SIPA1L3: variants seen among roughly 807,000 people sequenced by gnomAD.
The protein encoded by SIPA1L3 is signal induced proliferation associated 1 like 3.
Under a neutral mutation model 150.1 loss-of-function variants are expected in SIPA1L3, and 59 were observed. That is an observed-to-expected ratio of 0.39 (90% CI 0.32 to 0.49). The LOEUF is 0.49. Among genes scored for constraint, SIPA1L3 ranks in the 20% least tolerant of loss-of-function variants. The pLI is 0.86. For missense variants in SIPA1L3, 2,211 were observed against 2,489.5 expected, an observed-to-expected ratio of 0.89 and a Z score of 2.38; for synonymous variants, 1,070 against 1,077.6, an observed-to-expected ratio of 0.99 and a Z score of 0.14.
intron 2 of SIPA1L3, among the ~76,000 whole-genome samples, chr19:38,077,545 G>A (rs1258061901): frequency 2.6e-5 from 4 of 151,832 alleles, no homozygotes. Context: ...GCCTGGGAGT[G>A]GTGGGGATAG....
chr19:37,914,408 C>A (rs572620181), intron 1 of SIPA1L3, among the ~76,000 whole-genome samples: 2 of 147,300 alleles, frequency 1.4e-5, no homozygotes, highest in Non-Finnish European at 3.0e-5. Context: ...TCTGCTCTGT[C>A]GCCCAGGCTG....
In SIPA1L3 at chr19:38,182,588, C is replaced by T. The variant is rs768419836; in HGVS notation, c.4278C>T (p.Pro1426=). The T allele has an allele frequency of 6.2e-7, 1 of 1,614,210 alleles. No homozygotes were observed. Among genetic ancestry groups the T allele is most frequent in the Non-Finnish European group, 8.5e-7 (1 of 1,180,032 alleles). ...CTGCCAGTGCAGAGACTCCTCGGCC[C>T]TCCCAGCTGGCCCAGCCCAGCCCCT... ...YKTASAETPR[P]SQLAQPSPFQ... is the part of the protein sequence containing the mutation. The change falls in exon 16 of 22, where the codon CCC becomes CCT. Residue 1426 remains proline (P), a synonymous_variant. Coordinates refer to ENST00000222345, the MANE Select transcript of SIPA1L3 (RefSeq NM_015073.3).
chr19:38,023,526 G>A (rs1235850557), intron 1 of SIPA1L3, among the ~76,000 whole-genome samples: 1 of 152,206 alleles, frequency 6.6e-6, no homozygotes, highest in African/African-American at 2.4e-5. Flanking sequence ...GCAGCTGAAT[G>A]AACAGATATT....
At chr19:38,036,137 C>G (rs544371162) in intron 2 of SIPA1L3, among the ~76,000 whole-genome samples, 103 of 152,298 alleles carry the variant, frequency 6.8e-4, no homozygotes, top group African/African-American at 2.5e-3. Flanking sequence ...GTAGGCTGCC[C>G]TTGACCTCTG....
chr19:38,102,801 C>T (rs1228320991), intron 6 of SIPA1L3, among the ~76,000 whole-genome samples: 3 of 150,520 alleles, frequency 2.0e-5, no homozygotes, highest in Non-Finnish European at 4.4e-5. Context: ...CACTACACTC[C>T]AGCCCGGATG....
At chr19:38,155,867 G>T (rs1194461883) in intron 13 of SIPA1L3, among the ~76,000 whole-genome samples, 1 of 152,136 alleles carries the variant, frequency 6.6e-6, no homozygotes, top group Admixed American at 6.6e-5. Context: ...GATCTCCTGA[G>T]ATCAGGAGTT....
chr19:38,102,088 C>T, intron 6 of SIPA1L3, among the ~76,000 whole-genome samples: 1 of 149,938 alleles, frequency 6.7e-6, no homozygotes, highest in Non-Finnish European at 1.5e-5. Context: ...CCTCTATTGC[C>T]TAGGCTGGAG....
chr19:38,204,017 A>T, intron 20 of SIPA1L3, 110 bp from the exon 21 acceptor site: 1 of 803,710 alleles, frequency 1.2e-6, no homozygotes, highest in Non-Finnish European at 2.0e-6. Context: ...AGGCTTTGCT[A>T]GAATGTCAGG....
At position 38,114,655 on chromosome 19, in the gene SIPA1L3, A is replaced by G. The variant is rs113764537; in HGVS notation, c.2291+4271A>G. Among the ~76,000 whole-genome samples, 193 of 152,288 alleles carry G rather than the reference A, an allele frequency of 1.3e-3. 1 individual carries two copies. The highest frequency in any genetic ancestry group is 4.3e-3 in the African/African-American group (178 of 41,568). On this transcript the variant is annotated intron_variant, in intron 8 of 21. Coordinates refer to ENST00000222345, the MANE Select transcript of SIPA1L3 (RefSeq NM_015073.3). ...GAAAATGCCTTTTTCTGTTAAAACTATGCCCACCATACCTTGGTAGAAACC... is the reference window on the plus strand; with the variant it reads ...GAAAATGCCTTTTTCTGTTAAAACTGTGCCCACCATACCTTGGTAGAAACC...
intron 15 of SIPA1L3, among the ~76,000 whole-genome samples, chr19:38,181,045 C>A (rs933501453): frequency 6.6e-6 from 1 of 152,150 alleles, no homozygotes; most frequent in African/African-American, 2.4e-5. Flanking sequence ...CCCTTGATAC[C>A]GTCCCAAAGG....
At chr19:38,115,441 C>A (rs182578462) in intron 8 of SIPA1L3, among the ~76,000 whole-genome samples, 1 of 152,188 alleles carries the variant, frequency 6.6e-6, no homozygotes, top group African/African-American at 2.4e-5. Flanking sequence ...GGGCAGAGAA[C>A]GGCAGAATGG....
At position 37,925,618 on chromosome 19, in the gene SIPA1L3, G is replaced by A. The variant is rs538457055; in HGVS notation, c.-379+18260G>A. ...TTTTTTTTTTTTTTTTTTTTGAGAC[G>A]GAGTCTCACTCTGTTGCCAGGCTGG... On this transcript the variant is annotated intron_variant, in intron 1 of 21. Coordinates refer to ENST00000222345, the MANE Select transcript of SIPA1L3 (RefSeq NM_015073.3). Among the ~76,000 whole-genome samples, 405 of 129,732 alleles carry A rather than the reference G, an allele frequency of 3.1e-3. 2 individuals carry two copies. The highest frequency in any genetic ancestry group is 0.019 in the Middle Eastern group (4 of 210). The allele number at this position is 129,732 out of a possible 152,430, so 85.1% of individuals were successfully genotyped here.
At chr19:38,158,648 A>G (rs1972004753) in intron 13 of SIPA1L3, among the ~76,000 whole-genome samples, 1 of 152,238 alleles carries the variant, frequency 6.6e-6, no homozygotes, top group African/African-American at 2.4e-5. Flanking sequence ...GCGGAGATGC[A>G]CGATTCTGGA....
At position 38,165,841 on chromosome 19, in the gene SIPA1L3, C is replaced by G. The variant is rs137967880; in HGVS notation, c.4208+935C>G. Among the ~76,000 whole-genome samples, 151 of 152,328 alleles carry G rather than the reference C, an allele frequency of 9.9e-4. 1 individual carries two copies. The highest frequency in any genetic ancestry group is 3.4e-3 in the African/African-American group (141 of 41,588). ...CAGTGGTGCGGTCTCAGGCTCACTG[C>G]ACCCTCTACCTCCCAGGTTCAAGTG... On this transcript the variant is annotated intron_variant, in intron 15 of 21. Transcript: ENST00000222345.
intron 2 of SIPA1L3, among the ~76,000 whole-genome samples, chr19:38,078,298 G>T (rs1217929442): frequency 1.3e-5 from 2 of 152,140 alleles, no homozygotes; most frequent in South Asian, 4.1e-4. Context: ...CCCTCTTCTG[G>T]TGCTCACTTT....
intron 2 of SIPA1L3, among the ~76,000 whole-genome samples, chr19:38,035,065 A>G (rs1207127564): frequency 6.6e-6 from 1 of 152,094 alleles, no homozygotes; most frequent in Non-Finnish European, 1.5e-5. Flanking sequence ...GGGAGTGGGA[A>G]CCCAGTGGAG....
intron 1 of SIPA1L3, among the ~76,000 whole-genome samples, chr19:37,970,602 G>A (rs1443990695): frequency 6.6e-6 from 1 of 152,190 alleles, no homozygotes; most frequent in East Asian, 1.9e-4. Context: ...TGTGCAGAGG[G>A]AAGAGGTCCC....
Position 37,932,540 on chromosome 19 carries a change from G to A in SIPA1L3, c.-379+25182G>A, listed in dbSNP as rs529330620. On this transcript the variant is annotated intron_variant, in intron 1 of 21. Coordinates refer to ENST00000222345, the MANE Select transcript of SIPA1L3 (RefSeq NM_015073.3). ...TTTCCGCATTCCAGGCACCCACAGC[G>A]GGCTGGGGGCGGGCACCACTGAGGT... 2.6e-5 allele frequency: 4 copies of A among 152,322 alleles called. No homozygotes were observed. The East Asian group carries it at 7.7e-4, about 30-fold the overall frequency. The allele number at this position is 152,322 out of a possible 1,614,324, so 9.4% of individuals were successfully genotyped here. A position where few individuals can be genotyped will look rare whatever the true frequency, so the allele number is the denominator to read the frequency against.
At chr19:37,956,223 A>G (rs1423228464) in intron 1 of SIPA1L3, among the ~76,000 whole-genome samples, 1 of 152,166 alleles carries the variant, frequency 6.6e-6, no homozygotes, top group Non-Finnish European at 1.5e-5. Context: ...GTGCAGTGGT[A>G]TCTCATTGTA....
Sources: allele counts gnomAD v4.1 joint callset (sites outside exome capture counted in the v4.1 genomes callset), GRCh38; gene constraint gnomAD v4.1.1; transcripts MANE v1.5; gene names NCBI Gene and HGNC (gene_info 2026-07-23, HGNC 2026-07-21).